The following PGAP4 variants were observed in gnomAD, a reference collection of about 807,000 sequenced individuals.
PGAP4 encodes GPI-N-acetylgalactosamine transferase PGAP4.
Under a neutral mutation model 28.2 loss-of-function variants are expected in PGAP4, and 12 were observed. That is an observed-to-expected ratio of 0.42 (90% confidence interval 0.27 to 0.69). The LOEUF (loss-of-function observed/expected upper bound fraction) is 0.69, where lower values mean the gene tolerates loss of function less well. PGAP4 is among the 30% of genes least tolerant of loss of function. The pLI is 0.22. For missense variants in PGAP4, 425 were observed against 513.5 expected, an observed-to-expected ratio of 0.83 and a Z score of 1.67; for synonymous variants, 205 against 211.8, an observed-to-expected ratio of 0.97 and a Z score of 0.28.
intron 2 of PGAP4, among the ~76,000 whole-genome samples, chr9:101,526,515 T>C (rs1269178833): frequency 6.6e-6 from 1 of 152,184 alleles, no homozygotes; most frequent in Non-Finnish European, 1.5e-5. Context: ...AGTGGCATGA[T>C]CTTGGATCAC....
chr9:101,476,609 C>T lies in PGAP4; in HGVS notation c.484G>A (p.Val162Ile), dbSNP rs367919541. The change falls in exon 2 of 2, where the codon GTC becomes ATC. Residue 162 changes from valine to isoleucine, a missense_variant. By Grantham distance (29) the Val-to-Ile change is conservative. Coordinates refer to ENST00000374848, the MANE Select transcript of PGAP4 (RefSeq NM_032342.3). This position sits in a 1 kb window ranked among gnomAD's most constrained non-coding sequence, Gnocchi z 7.0. ...HFDAKLLSKY[V>I]PVANRYEGTE... ...CCCTCATAGCGATTGGCCACAGGGA[C>T]ATACTTGGAGAGCAACTTGGCATCA... The T allele has an allele frequency of 4.3e-6, 7 of 1,614,110 alleles. No individual in the cohort carries two copies. Among genetic ancestry groups the T allele is most frequent in the Non-Finnish European group, 5.9e-6 (7 of 1,180,062 alleles).
At chr9:101,509,693 G>A (rs556550239) in intron 2 of PGAP4, among the ~76,000 whole-genome samples, 11 of 152,138 alleles carry the variant, frequency 7.2e-5, no homozygotes, top group Admixed American at 6.6e-4. Flanking sequence ...ATAAGTTCAG[G>A]TGATGTTTCT....
chr9:101,513,357 G>A (rs774898284), intron 2 of PGAP4, among the ~76,000 whole-genome samples: 3 of 152,032 alleles, frequency 2.0e-5, no homozygotes, highest in Non-Finnish European at 4.4e-5. Context: ...CAAAAAGCAG[G>A]CACCATTTTG....
At chr9:101,480,059 A>AC (rs1826438044) in intron 1 of PGAP4, 2 of 152,186 alleles carry the variant, frequency 1.3e-5, no homozygotes, top group African/African-American at 4.8e-5. Flanking sequence ...TAGAAAAAAA[A>AC]AAGGCAACAG....
Position 101,512,388 on chromosome 9 carries a change from T to C in PGAP4, c.-165+18960A>G, listed in dbSNP as rs12340175. ...TTTAACCCTTACAAAGAAAGTGACC[T>C]GAAGTAACCTGATGTTAACCAATCC... On this transcript the variant is annotated intron_variant, in intron 2 of 3. Transcript: ENST00000374851. 4.4e-3 allele frequency among the ~76,000 whole-genome samples: 675 copies of C among 152,240 alleles called. 6 individuals are homozygous for C. The highest frequency in any genetic ancestry group is 0.016 in the African/African-American group (646 of 41,540).
intron 2 of PGAP4, among the ~76,000 whole-genome samples, chr9:101,503,988 A>G (rs1408230903): frequency 1.3e-5 from 2 of 152,058 alleles, no homozygotes; most frequent in Admixed American, 6.6e-5. Flanking sequence ...TAAGTACCAC[A>G]TAATCAAACT....
chr9:101,509,652 G>A (rs1826878166), intron 2 of PGAP4, among the ~76,000 whole-genome samples: 1 of 152,140 alleles, frequency 6.6e-6, no homozygotes, highest in African/African-American at 2.4e-5. Flanking sequence ...CTTTGATGTG[G>A]TTGATCATTT....
chr9:101,489,447 G>A (rs1371214262), upstream of PGAP4, among the ~76,000 whole-genome samples: 1 of 152,132 alleles, frequency 6.6e-6, no homozygotes, highest in African/African-American at 2.4e-5. Flanking sequence ...ATACCCTAGG[G>A]CTTGATACCA....
chr9:101,497,241 A>G (rs1826759882), intron 2 of PGAP4, among the ~76,000 whole-genome samples: 1 of 151,538 alleles, frequency 6.6e-6, no homozygotes, highest in South Asian at 2.1e-4. Flanking sequence ...ATTTATATTT[A>G]CTTAATTTAA....
At position 101,475,423 on chromosome 9, in the gene PGAP4, A is replaced by C. The variant is rs967821982; in HGVS notation, c.*458T>G. The C allele has an allele frequency of 1.1e-5, 2 of 174,402 alleles. No individual in the cohort carries two copies. Among genetic ancestry groups the C allele is most frequent in the African/African-American group, 2.4e-5 (1 of 41,992 alleles). 10.8% of individuals were successfully genotyped at this position (174,402 alleles called of 1,614,324 possible). ...TCCACATGGTCCTGCCTCGTTGGGC[A>C]TATATTCTAAACATACATCCATTTT... On this transcript the variant is annotated 3_prime_UTR_variant, in exon 2 of 2. Transcript: ENST00000374848.
chr9:101,478,625 G>C (rs921551453), intron 1 of PGAP4, among the ~76,000 whole-genome samples: 2 of 152,218 alleles, frequency 1.3e-5, no homozygotes, highest in Non-Finnish European at 2.9e-5. Context: ...CCTGGGACAA[G>C]GTAGTTGAGA....
At chr9:101,477,224 A>AAACAAAC in intron 1 of PGAP4, 55 bp from the exon 2 acceptor site, 8 of 1,330,728 alleles carry the variant, frequency 6.0e-6, no homozygotes, top group Non-Finnish European at 6.9e-6. Context: ...ACAAACAAAC[A>AAACAAAC]AACAAACAAA....
intron 2 of PGAP4, among the ~76,000 whole-genome samples, chr9:101,529,935 A>G (rs1478309370): frequency 6.6e-6 from 1 of 152,252 alleles, no homozygotes; most frequent in African/African-American, 2.4e-5. Context: ...AGCAAGGGCT[A>G]TGGTATCTAA....
At chr9:101,522,911 G>A (rs1827000605) in intron 2 of PGAP4, among the ~76,000 whole-genome samples, 1 of 152,126 alleles carries the variant, frequency 6.6e-6, no homozygotes, top group Admixed American at 6.5e-5. Context: ...TTCTTGCAGT[G>A]GTGGCTTGGT....
chr9:101,490,138 C>G (rs1826673144), upstream of PGAP4, among the ~76,000 whole-genome samples: 1 of 152,036 alleles, frequency 6.6e-6, no homozygotes, highest in Non-Finnish European at 1.5e-5. Context: ...ACAGAGGCCT[C>G]CTACAAGGCT....
At chr9:101,496,750 T>TTTTTTAATACA (rs1826754861) in intron 2 of PGAP4, among the ~76,000 whole-genome samples, 1 of 150,824 alleles carries the variant, frequency 6.6e-6, no homozygotes, top group South Asian at 2.1e-4. Context: ...CATACAAAAT[T>TTTTTTAATACA]TTTTTAATAC....
intron 2 of PGAP4, among the ~76,000 whole-genome samples, chr9:101,496,798 C>T (rs377373120): frequency 6.6e-6 from 1 of 150,676 alleles, no homozygotes; most frequent in South Asian, 2.1e-4. Flanking sequence ...ACCAAGAATA[C>T]ATTTTTATAG....
At chr9:101,501,505 G>T in intron 2 of PGAP4, 1 of 312,556 alleles carries the variant, frequency 3.2e-6, no homozygotes, top group South Asian at 3.0e-5. Context: ...TTATTAATCA[G>T]TGTAATCTCC....
At chr9:101,491,747 A>T (rs1424206200), upstream of PGAP4, among the ~76,000 whole-genome samples, 1 of 147,338 alleles carries the variant, frequency 6.8e-6, no homozygotes, top group African/African-American at 2.5e-5. Flanking sequence ...ATATGTATAA[A>T]CTCAAAGAAT....
Sources: gnomAD v4.1 joint callset for allele counts (sites outside exome capture counted in the v4.1 genomes callset) on GRCh38, gnomAD v4.1.1 for gene constraint, Gnocchi (gnomAD v3.1) non-coding constraint, MANE v1.5 for transcripts, NCBI Gene and HGNC (gene_info 2026-07-23, HGNC 2026-07-21) for gene names.